Variants in IGF2BP1 observed in about 807,000 individuals in gnomAD.
The protein encoded by IGF2BP1 is insulin-like growth factor 2 mRNA-binding protein 1.
Under a neutral mutation model 74.9 loss-of-function variants are expected in IGF2BP1, and 11 were observed. The observed-to-expected ratio is 0.15, with a 90% CI of 0.09 to 0.24. IGF2BP1 has a LOEUF of 0.24. IGF2BP1 is among the 10% of genes least tolerant of loss of function. IGF2BP1 has a pLI of 1.00. For synonymous variants in IGF2BP1, 287 were observed against 281.8 expected (o/e 1.02, Z -0.18); for missense variants, 440 against 757.4 (o/e 0.58, Z 4.92).
intron 2 of IGF2BP1, among the ~76,000 whole-genome samples, chr17:49,024,083 A>AC (rs2041823249): frequency 2.6e-5 from 2 of 78,094 alleles, no homozygotes. Flanking sequence ...CACCCTGCTA[A>AC]TTTTTTTTTT....
intron 2 of IGF2BP1, among the ~76,000 whole-genome samples, chr17:49,000,329 A>G (rs1355874094): frequency 6.6e-6 from 1 of 152,156 alleles, no homozygotes; most frequent in Non-Finnish European, 1.5e-5. Context: ...GGGCCTAGAA[A>G]GTTTAATGTG....
At position 49,026,481 on chromosome 17, in the gene IGF2BP1, C is replaced by T. The variant is rs1256758931; in HGVS notation, c.301C>T (p.Leu101=). ...ATTCTCCTAGGTACTGGACAGCCTG[C>T]TGGCTCAGTATGGTACAGTAGAGAA... is the stretch of plus-strand genomic sequence containing the variant. ...QLRWEVLDSL[L]AQYGTVENCE... is the part of the protein sequence containing the mutation. Residue 101 remains leucine, a synonymous_variant, in exon 4 of 15, where the codon CTG becomes TTG. Coordinates refer to ENST00000290341, the MANE Select transcript of IGF2BP1 (RefSeq NM_006546.4). The T allele has an allele frequency of 4.3e-6, 7 of 1,614,096 alleles. No individual in the cohort carries two copies. The highest frequency in any genetic ancestry group is 1.6e-4 in the Middle Eastern group (1 of 6,062).
Position 49,041,429 on chromosome 17 carries a change from T to C in IGF2BP1, c.870T>C (p.Arg290=). The C allele has an allele frequency of 6.2e-7, 1 of 1,613,988 alleles. No individual in the cohort carries two copies. The highest frequency in any genetic ancestry group is 1.1e-5 in the South Asian group (1 of 91,056). Reference sequence around the variant, plus strand: ...TGGCCCATAATAACTTTGTAGGGCGTCTCATTGGCAAGGAAGGACGGAACC... The same window carrying C: ...TGGCCCATAATAACTTTGTAGGGCGCCTCATTGGCAAGGAAGGACGGAACC... ...KILAHNNFVG[R]LIGKEGRNLK... is the part of the protein sequence containing the mutation. Residue 290 remains arginine (R), a synonymous_variant, in exon 8 of 15, where the codon CGT becomes CGC. Coordinates refer to ENST00000290341, the MANE Select transcript of IGF2BP1 (RefSeq NM_006546.4).
In IGF2BP1 at chr17:49,044,973, T is replaced by G; in HGVS notation, c.1321-18T>G. ...TTCCCATAGAGGGTCCCTCATTGAC[T>G]AGCTTTTTGCTTTTTAGATTGCACC... On this transcript the variant is annotated intron_variant, in intron 11 of 14. Transcript: ENST00000290341. The G allele has an allele frequency of 6.2e-7, 1 of 1,612,332 alleles. No homozygotes were observed. Among genetic ancestry groups the G allele is most frequent in the Non-Finnish European group, 8.5e-7 (1 of 1,178,302 alleles).
chr17:49,016,102 T>C (rs912756758), intron 2 of IGF2BP1, among the ~76,000 whole-genome samples: 4 of 152,202 alleles, frequency 2.6e-5, no homozygotes, highest in African/African-American at 9.7e-5. Flanking sequence ...ATACAGAATA[T>C]GGGCACTTTT....
At chr17:49,043,361 C>T in intron 9 of IGF2BP1, 67 bp from the exon 10 acceptor site, 3 of 1,585,902 alleles carry the variant, frequency 1.9e-6, no homozygotes. Flanking sequence ...GCCTTTTATA[C>T]AGCGGGGGTC....
At chr17:49,022,413 G>A (rs1012760704) in intron 2 of IGF2BP1, among the ~76,000 whole-genome samples, 3 of 149,914 alleles carry the variant, frequency 2.0e-5, no homozygotes, top group South Asian at 4.5e-4. Flanking sequence ...CCTGCCCCCC[G>A]CCCCGCCCCT....
Position 49,049,434 on chromosome 17 carries a change from G to A in IGF2BP1, c.1724G>A (p.Arg575Gln), listed in dbSNP as rs749541733. 5.0e-6 allele frequency: 8 copies of A among 1,613,820 alleles called. No homozygotes were observed. Among genetic ancestry groups the A allele is most frequent in the East Asian group, 2.2e-5 (1 of 44,894 alleles). The change falls in exon 15 of 15, where the codon CGG becomes CAG. Residue 575 changes from arginine to glutamine, a missense_variant. Coordinates refer to ENST00000290341, the MANE Select transcript of IGF2BP1 (RefSeq NM_006546.4). ...GGACAGAGTAACCAGGCCCAGGCAC[G>A]GAGGAAGTGACCAGCCCCTCCCTGT... ...QKGQSNQAQA[R>Q]RK
intron 9 of IGF2BP1, 47 bp from the exon 10 acceptor site, chr17:49,043,381 C>A: frequency 6.2e-7 from 1 of 1,607,866 alleles, no homozygotes; most frequent in Admixed American, 1.7e-5. Flanking sequence ...CACACACAAG[C>A]CCCTGTCAGG....
At chr17:49,007,898 G>T (rs918977464) in intron 2 of IGF2BP1, among the ~76,000 whole-genome samples, 1 of 152,158 alleles carries the variant, frequency 6.6e-6, no homozygotes, top group East Asian at 1.9e-4. Context: ...CAGGCCAGGC[G>T]CAGTGGCTCA....
rs559020315 is a variant in IGF2BP1 at position 49,053,108 on chromosome 17, C to T, written c.*3664C>T. On this transcript the variant is annotated 3_prime_UTR_variant, in exon 15 of 15. Coordinates refer to ENST00000290341, the MANE Select transcript of IGF2BP1 (RefSeq NM_006546.4). ...TAGCCCTTTTCTACTTTCCTCCCCTCCTCCCAGTCCTTATCAATCTTTTTT... is the reference window on the plus strand; with the variant it reads ...TAGCCCTTTTCTACTTTCCTCCCCTTCTCCCAGTCCTTATCAATCTTTTTT... The T allele has an allele frequency of 6.6e-6, 1 of 152,416 alleles. No individual in the cohort carries two copies. Among genetic ancestry groups the T allele is most frequent in the Non-Finnish European group, 1.5e-5 (1 of 68,058 alleles). The allele number at this position is 152,416 out of a possible 1,614,324, so 9.4% of individuals were successfully genotyped here.
chr17:49,041,348 G>A, intron 7 of IGF2BP1, 30 bp from the exon 8 acceptor site: 1 of 1,612,778 alleles, frequency 6.2e-7, no homozygotes, highest in South Asian at 1.1e-5. Context: ...AGGAACTCTT[G>A]TCTTCCACTT....
At chr17:49,005,119 T>C (rs1265020819) in intron 2 of IGF2BP1, among the ~76,000 whole-genome samples, 4 of 152,228 alleles carry the variant, frequency 2.6e-5, no homozygotes, top group African/African-American at 9.7e-5. Context: ...ACCTGCTTAC[T>C]ACCTTGCAGC....
chr17:49,049,435 G>C lies in IGF2BP1; in HGVS notation c.1725G>C (p.Arg575=). The part of the protein sequence containing the change: ...QKGQSNQAQA[R]RK Reference sequence around the variant, plus strand: ...GACAGAGTAACCAGGCCCAGGCACGGAGGAAGTGACCAGCCCCTCCCTGTC... The same window carrying C: ...GACAGAGTAACCAGGCCCAGGCACGCAGGAAGTGACCAGCCCCTCCCTGTC... Residue 575 remains arginine (R), a synonymous_variant, in exon 15 of 15, where the codon CGG becomes CGC. Transcript: ENST00000290341. The C allele has an allele frequency of 6.2e-7, 1 of 1,614,018 alleles. No individual in the cohort carries two copies. The highest frequency in any genetic ancestry group is 8.5e-7 in the Non-Finnish European group (1 of 1,179,930).
At chr17:49,044,572 G>A (rs749156567) in intron 11 of IGF2BP1, among the ~76,000 whole-genome samples, 5 of 152,264 alleles carry the variant, frequency 3.3e-5, no homozygotes, top group Non-Finnish European at 7.3e-5. Flanking sequence ...TGCTGTTAGA[G>A]TTTCACAAAC....
chr17:49,027,399 G>T (rs1054556517), intron 4 of IGF2BP1, among the ~76,000 whole-genome samples: 2 of 152,206 alleles, frequency 1.3e-5, no homozygotes, highest in African/African-American at 2.4e-5. Context: ...TCAACCGGTT[G>T]TCTCTTTTTA....
chr17:49,042,384 G>T lies in IGF2BP1; in HGVS notation c.1077+7G>T, dbSNP rs1482000075. 1 of 1,614,138 alleles carries T rather than the reference G, an allele frequency of 6.2e-7. No individual in the cohort carries two copies. Among genetic ancestry groups the T allele is most frequent in the Admixed American group, 1.7e-5 (1 of 60,016 alleles). ...TGATGTGGCTGCCATGAGCGTGAGT[G>T]CTGGGTAGTACCCTCTGCTTATCCT... On this transcript the variant is annotated splice_region_variant and intron_variant, in intron 9 of 14. Coordinates refer to ENST00000290341, the MANE Select transcript of IGF2BP1 (RefSeq NM_006546.4).
chr17:49,032,334 T>C (rs559913646), intron 5 of IGF2BP1, among the ~76,000 whole-genome samples: 4 of 152,264 alleles, frequency 2.6e-5, no homozygotes, highest in African/African-American at 9.6e-5. Context: ...GCCGTGTTCA[T>C]GGCGCCATCT....
chr17:49,001,604 A>G (rs1433894959), intron 2 of IGF2BP1, among the ~76,000 whole-genome samples: 1 of 152,196 alleles, frequency 6.6e-6, no homozygotes, highest in Admixed American at 6.5e-5. Flanking sequence ...AACACTATGC[A>G]TTTCAACTGA....
Sources: allele counts gnomAD v4.1 joint callset (sites outside exome capture counted in the v4.1 genomes callset), GRCh38; gene constraint gnomAD v4.1.1; transcripts MANE v1.5; gene names NCBI Gene and HGNC (gene_info 2026-07-23, HGNC 2026-07-21).